FOXM1: variants seen among roughly 807,000 people sequenced by gnomAD.
FOXM1 encodes the protein forkhead box protein M1.
Under a neutral mutation model 63.6 loss-of-function variants are expected in FOXM1, and 25 were observed. The ratio of observed to expected loss-of-function variants is 0.39; its 90% CI spans 0.29 to 0.55. The LOEUF (loss-of-function observed/expected upper bound fraction) is 0.55, where lower values mean the gene tolerates loss of function less well. Among genes scored for constraint, FOXM1 ranks in the 20% least tolerant of loss-of-function variants. The probability of loss-of-function intolerance (pLI) is 0.60; values close to 1 mark genes in which losing one functional copy is unlikely to be tolerated. For synonymous variants in FOXM1, 387 were observed against 376.9 expected (o/e 1.03, Z -0.31); for missense variants, 879 against 958.7 (o/e 0.92, Z 1.10).
chr12:2,858,673 T>C lies in FOXM1; in HGVS notation c.2257A>G (p.Ile753Val), dbSNP rs773302517. The change falls in exon 9 of 9, where the codon ATC (isoleucine) becomes GTC (valine). Residue 753 changes from isoleucine to valine, a missense_variant. Ile to Val is a conservative substitution (Grantham distance 29). Transcript: ENST00000359843. Reference sequence around the variant, plus strand: ...TCAGGAATAAACTGGGACCAGTTGATGTTGTCAGGGCCCAGTGGGTCCTCG... The same window carrying C: ...TCAGGAATAAACTGGGACCAGTTGACGTTGTCAGGGCCCAGTGGGTCCTCG... ...LDEDPLGPDN[I>V]NWSQFIPELQ is the part of the protein sequence containing the mutation. 1.2e-6 allele frequency: 2 copies of C among 1,613,976 alleles called. No individual in the cohort carries two copies. Among genetic ancestry groups the C allele is most frequent in the East Asian group, 2.2e-5 (1 of 44,856 alleles).
chr12:2,865,061 G>A (rs2098120663), intron 6 of FOXM1: 2 of 583,626 alleles, frequency 3.4e-6, no homozygotes, highest in South Asian at 4.2e-5. Flanking sequence ...AGGCACAAAA[G>A]TGAGCGAACG....
rs1412288812 is a variant in FOXM1, at chr12:2,864,646, C to T, written c.1090+37G>A. 3 of 1,609,924 alleles carry T rather than the reference C, an allele frequency of 1.9e-6. No homozygotes were observed. The highest frequency in any genetic ancestry group is 4.5e-5 in the East Asian group (2 of 44,876). ...GTTCCCTAAAGATATGGCCCCAGAA[C>T]AAGGACCAGGCCCAAGGCCCACTCT... is the stretch of plus-strand genomic sequence containing the variant. On this transcript the variant is annotated intron_variant, in intron 7 of 8. Transcript: ENST00000359843. This position sits in a 1 kb window ranked among gnomAD's most constrained non-coding sequence, Gnocchi z 5.1.
At chr12:2,861,918 T>C (rs28918672) in intron 8 of FOXM1, among the ~76,000 whole-genome samples, 19,436 of 152,160 alleles carry the variant, frequency 0.13, 1,584 homozygotes, top group South Asian at 0.22. Flanking sequence ...TGGTGGGTCA[T>C]TCCTGTAATC....
chr12:2,870,203 C>T (rs1243330586), intron 3 of FOXM1, among the ~76,000 whole-genome samples: 1 of 151,140 alleles, frequency 6.6e-6, no homozygotes, highest in East Asian at 2.0e-4. Context: ...CTGGAACTCC[C>T]GACGTCAGGT....
At chr12:2,867,979 CAAAAAAAAAAA>C (rs60064456) in intron 4 of FOXM1, among the ~76,000 whole-genome samples, 1 of 68,326 alleles carries the variant, frequency 1.5e-5, no homozygotes, top group Non-Finnish European at 2.9e-5. Flanking sequence ...GACTCTGTCT[CAAAAAAAAAAA>C]AAAAAAAAAG....
intron 3 of FOXM1, among the ~76,000 whole-genome samples, chr12:2,869,820 C>A (rs1228695934): frequency 1.3e-5 from 2 of 151,308 alleles, no homozygotes; most frequent in African/African-American, 4.9e-5. Context: ...CTTACGGGCT[C>A]AAGCAATCTG....
chr12:2,867,645 G>A (rs1251553856), intron 4 of FOXM1, among the ~76,000 whole-genome samples: 1 of 148,784 alleles, frequency 6.7e-6, no homozygotes. Context: ...CTGGGTGACA[G>A]AGCGAGACTC....
In FOXM1 at chr12:2,874,621, A is replaced by C; in HGVS notation, c.-47-96T>G. 1 of 826,784 alleles carries C rather than the reference A, an allele frequency of 1.2e-6. No homozygotes were observed. The highest frequency in any genetic ancestry group is 1.7e-5 in the South Asian group (1 of 58,510). The allele number at this position is 826,784 out of a possible 1,614,324, so 51.2% of individuals were successfully genotyped here. The stretch of plus-strand genomic sequence containing the variant: ...TGCTCCTCTTTATATGACCAGGAAC[A>C]TGAGCCTAAAGGCCCAGGTAAACAT... On this transcript the variant is annotated intron_variant, in intron 1 of 8. Coordinates refer to ENST00000359843, the MANE Select transcript of FOXM1 (RefSeq NM_021953.4). The surrounding 1 kb of genome is among the most constrained non-coding windows in gnomAD (Gnocchi z 4.3).
At chr12:2,867,104 G>A (rs2098124523) in intron 4 of FOXM1, among the ~76,000 whole-genome samples, 1 of 151,986 alleles carries the variant, frequency 6.6e-6, no homozygotes, top group Non-Finnish European at 1.5e-5. Flanking sequence ...AGTTAGCCAA[G>A]ATCATGTCAC....
chr12:2,872,116 G>C lies in FOXM1; in HGVS notation c.634C>G (p.Leu212Val). The C allele has an allele frequency of 1.2e-6, 2 of 1,614,180 alleles. No individual in the cohort carries two copies. The highest frequency in any genetic ancestry group is 3.3e-5 in the Admixed American group (2 of 60,008). The change falls in exon 3 of 9, where the codon CTG (leucine) becomes GTG (valine). Residue 212 changes from leucine to valine, a missense_variant. Leu to Val is a conservative substitution (Grantham distance 32). Coordinates refer to ENST00000359843, the MANE Select transcript of FOXM1 (RefSeq NM_021953.4). This position sits in a 1 kb window ranked among gnomAD's most constrained non-coding sequence, Gnocchi z 4.0. The stretch of plus-strand genomic sequence containing the variant: ...TTCACCTTAACCTGTCGCTGCTCCA[G>C]GTGACAATTCTCCTTTTCCTCCATC... ...QEMEEKENCHLEQRQVKVEEP... is the reference protein window; with the variant it reads ...QEMEEKENCHVEQRQVKVEEP...
chr12:2,871,619 T>A (rs2098133395), intron 3 of FOXM1, among the ~76,000 whole-genome samples: 1 of 151,378 alleles, frequency 6.6e-6, no homozygotes, highest in Non-Finnish European at 1.5e-5. Flanking sequence ...ACCATTGCGC[T>A]CCAGCCTGGG....
At position 2,872,191 on chromosome 12, in the gene FOXM1, G is replaced by C; in HGVS notation, c.559C>G (p.Leu187Val). The change falls in exon 3 of 9, where the codon CTT (leucine) becomes GTT (valine). Residue 187 changes from leucine (L) to valine (V), a missense_variant. Around this residue, in one of 4 missense-constraint regions of FOXM1, gnomAD observed 255 missense variants for 292.4 expected, o/e 0.87. Coordinates refer to ENST00000359843, the MANE Select transcript of FOXM1 (RefSeq NM_021953.4). This position sits in a 1 kb window ranked among gnomAD's most constrained non-coding sequence, Gnocchi z 4.0. ...INNSLSNIQW[L>V]RKMSSDGLGS... ...AGTCCATCAGAACTCATCTTTCGAA[G>C]CCACTGGATGTTGGATAGGCTATTG... is the stretch of plus-strand genomic sequence containing the variant. The C allele has an allele frequency of 1.9e-6, 3 of 1,614,162 alleles. No homozygotes were observed. The highest frequency in any genetic ancestry group is 2.5e-6 in the Non-Finnish European group (3 of 1,180,002).
In FOXM1 at chr12:2,858,635, G is replaced by C; in HGVS notation, c.*3C>G. The C allele has an allele frequency of 6.2e-7, 1 of 1,612,576 alleles. No homozygotes were observed. Among genetic ancestry groups the C allele is most frequent in the Non-Finnish European group, 8.5e-7 (1 of 1,179,118 alleles). On this transcript the variant is annotated 3_prime_UTR_variant, in exon 9 of 9. Coordinates refer to ENST00000359843, the MANE Select transcript of FOXM1 (RefSeq NM_021953.4). ...GCTTGAGCACAGGGGCAAGGGCAGGGCTCTACTGTAGCTCAGGAATAAACT... is the reference window on the plus strand; with the variant it reads ...GCTTGAGCACAGGGGCAAGGGCAGGCCTCTACTGTAGCTCAGGAATAAACT...
chr12:2,876,867 T>TCC (rs1212772309), intron 1 of FOXM1, 53 bp downstream of exon 1: 10 of 152,754 alleles, frequency 6.5e-5, no homozygotes, highest in African/African-American at 2.4e-4. Context: ...GAGGCCTTGC[T>TCC]CCCCGCCTGT....
At chr12:2,863,155 C>A in intron 8 of FOXM1, among the ~76,000 whole-genome samples, 1 of 152,232 alleles carries the variant, frequency 6.6e-6, no homozygotes, top group South Asian at 2.1e-4. Context: ...GTGGGTGCTA[C>A]TGGCGTCTAG....
rs571487709 is a variant in FOXM1 at position 2,858,296 on chromosome 12, C to T, written c.*342G>A. 9 of 237,784 alleles carry T rather than the reference C, an allele frequency of 3.8e-5. No homozygotes were observed. The South Asian group carries it at 1.0e-3, about 27-fold the overall frequency. The allele number at this position is 237,784 out of a possible 1,614,324, so 14.7% of individuals were successfully genotyped here. ...TAGAGGATAATTTGGAGAATTTATA[C>T]TATTTACACGGACCACCCTGCAAAG... On this transcript the variant is annotated 3_prime_UTR_variant, in exon 9 of 9. Coordinates refer to ENST00000359843, the MANE Select transcript of FOXM1 (RefSeq NM_021953.4).
Position 2,874,543 on chromosome 12 carries a change from T to C in FOXM1, c.-47-18A>G. ...TGTGGACCCTGGAAAATGCAAATAG[T>C]GGCAAGATGTTAGAGATTGTTTAGG... On this transcript the variant is annotated intron_variant, in intron 1 of 8. Transcript: ENST00000359843. The surrounding 1 kb of genome is among the most constrained non-coding windows in gnomAD (Gnocchi z 4.3). The C allele has an allele frequency of 6.7e-7, 1 of 1,489,962 alleles. No individual in the cohort carries two copies. The highest frequency in any genetic ancestry group is 9.0e-7 in the Non-Finnish European group (1 of 1,112,374). 92.3% of individuals were successfully genotyped at this position (1,489,962 alleles called of 1,614,324 possible).
Position 2,858,905 on chromosome 12 carries a change from C to G in FOXM1, c.2025G>C (p.Arg675Ser), listed in dbSNP as rs995881166. 11 of 1,613,762 alleles carry G rather than the reference C, an allele frequency of 6.8e-6. No individual in the cohort carries two copies. Among genetic ancestry groups the G allele is most frequent in the Admixed American group, 1.7e-5 (1 of 59,976 alleles). ...GGTCTAAGGGTTCTGAACTGAGGAG[C>G]CTTTGCGGTGATTCAAGGGGGGGAG... ...QSAPPLESPQ[R>S]LLSSEPLDLI... The change falls in exon 9 of 9, where the codon AGG (arginine) becomes AGC (serine). Residue 675 changes from arginine to serine, a missense_variant. Around this residue, in one of 4 missense-constraint regions of FOXM1, gnomAD observed 486 missense variants for 453.5 expected, o/e 1.07. Coordinates refer to ENST00000359843, the MANE Select transcript of FOXM1 (RefSeq NM_021953.4).
In FOXM1 at chr12:2,864,369, A is replaced by G. The variant is rs2098119301; in HGVS notation, c.1217T>C (p.Met406Thr). 6.2e-7 allele frequency: 1 copy of G among 1,613,988 alleles called. No individual in the cohort carries two copies. Among genetic ancestry groups the G allele is most frequent in the Non-Finnish European group, 8.5e-7 (1 of 1,179,968 alleles). The change falls in exon 8 of 9, where the codon ATG (methionine) becomes ACG (threonine). Residue 406 changes from methionine to threonine, a missense_variant. Met to Thr is a moderately conservative substitution (Grantham distance 81, BLOSUM62 -1). Transcript: ENST00000359843. The surrounding 1 kb of genome is among the most constrained non-coding windows in gnomAD (Gnocchi z 5.1). Reference sequence around the variant, plus strand: ...GCTATGGCGGGCAAGCTCTGAGCTCATGAGGGAAGCCGCCAGGGGCAATGG... The same window carrying G: ...GCTATGGCGGGCAAGCTCTGAGCTCGTGAGGGAAGCCGCCAGGGGCAATGG... ...KVPLPLAASL[M>T]SSELARHSKR...
Sources: gnomAD v4.1 joint callset for allele counts (sites outside exome capture counted in the v4.1 genomes callset) on GRCh38, gnomAD v4.1.1 for gene constraint, gnomAD v4.1.1 regional missense constraint, Gnocchi (gnomAD v3.1) non-coding constraint, MANE v1.5 for transcripts, NCBI Gene and HGNC (gene_info 2026-07-23, HGNC 2026-07-21) for gene names.